The following ANKRD30B variants were observed in gnomAD, a reference collection of about 807,000 sequenced individuals.
ANKRD30B encodes ankyrin repeat domain 30B.
A neutral mutation model predicts 202.2 loss-of-function variants in ANKRD30B; 144 were observed. That is an observed-to-expected ratio of 0.71 (90% CI 0.62 to 0.82). ANKRD30B has a LOEUF of 0.82. Among genes scored for constraint, ANKRD30B ranks in the 40% least tolerant of loss-of-function variants. The probability of loss-of-function intolerance (pLI) is 0.00; values close to 1 mark genes in which losing one functional copy is unlikely to be tolerated. For missense variants in ANKRD30B, 1,487 were observed against 1,669.1 expected, an observed-to-expected ratio of 0.89 and a Z score of 1.90; for synonymous variants, 508 against 561.3, an observed-to-expected ratio of 0.91 and a Z score of 1.34.
chr18:14,753,385 G>A (rs576744003), intron 3 of ANKRD30B, among the ~76,000 whole-genome samples: 2 of 152,202 alleles, frequency 1.3e-5, no homozygotes, highest in South Asian at 4.1e-4. Flanking sequence ...TCCTCTTAAA[G>A]GATTGCATCT....
intron 34 of ANKRD30B, among the ~76,000 whole-genome samples, chr18:14,832,299 G>A (rs906563857): frequency 2.6e-5 from 4 of 152,160 alleles, no homozygotes; most frequent in Non-Finnish European, 4.4e-5. Flanking sequence ...TTCATTAAAA[G>A]TATACTTTAA....
chr18:14,782,431 A>C, intron 11 of ANKRD30B, 96 bp from the exon 12 acceptor site: 1 of 931,520 alleles, frequency 1.1e-6, no homozygotes, highest in Non-Finnish European at 1.6e-6. Context: ...TTGCCTTTGA[A>C]GTCAGAAATT....
intron 32 of ANKRD30B, 55 bp from the exon 33 acceptor site, chr18:14,828,223 T>C (rs1970745352): frequency 7.5e-7 from 1 of 1,329,698 alleles, no homozygotes; most frequent in African/African-American, 1.5e-5. Context: ...TTTAATATTC[T>C]GTATTTTTTA....
At chr18:14,766,518 G>GAAAAGAAAAGAA (rs1479071497) in intron 7 of ANKRD30B, among the ~76,000 whole-genome samples, 7 of 116,344 alleles carry the variant, frequency 6.0e-5, no homozygotes, top group Non-Finnish European at 1.1e-4. Flanking sequence ...GAAAAGAAAA[G>GAAAAGAAAAGAA]AAAATTGTCA....
At chr18:14,871,462 A>G in the ANKRD30B span, among the ~76,000 whole-genome samples, 1 of 151,132 alleles carries the variant, frequency 6.6e-6, no homozygotes, top group Non-Finnish European at 1.5e-5. Context: ...GGGGACAAAG[A>G]ATGCACCAGA....
At chr18:14,815,618 T>C (rs1395594381) in intron 30 of ANKRD30B, among the ~76,000 whole-genome samples, 1 of 152,198 alleles carries the variant, frequency 6.6e-6, no homozygotes, top group Non-Finnish European at 1.5e-5. Flanking sequence ...GTTATGTTGC[T>C]CTTACTTTTG....
chr18:14,796,658 G>A (rs1968918281), intron 18 of ANKRD30B, among the ~76,000 whole-genome samples: 1 of 152,106 alleles, frequency 6.6e-6, no homozygotes, highest in South Asian at 2.1e-4. Flanking sequence ...GCAATACAAT[G>A]GGGCCTTGTC....
the ANKRD30B span, among the ~76,000 whole-genome samples, chr18:14,936,829 A>G: frequency 6.6e-6 from 1 of 152,236 alleles, no homozygotes; most frequent in African/African-American, 2.4e-5. Context: ...ACAGACAGTA[A>G]GCAAGACGGG....
the ANKRD30B span, among the ~76,000 whole-genome samples, chr18:14,892,860 A>G: frequency 2.0e-5 from 3 of 151,696 alleles, no homozygotes; most frequent in African/African-American, 7.3e-5. Context: ...AGAGGTTGCA[A>G]TGAGCCAAGG....
intron 33 of ANKRD30B, among the ~76,000 whole-genome samples, chr18:14,828,941 T>A (rs974512913): frequency 1.3e-5 from 2 of 152,210 alleles, no homozygotes; most frequent in African/African-American, 4.8e-5. Context: ...ATGTTAATCA[T>A]ATTTAGAGGC....
intron 7 of ANKRD30B, among the ~76,000 whole-genome samples, chr18:14,764,978 A>C (rs550024656): frequency 6.6e-6 from 1 of 152,180 alleles, no homozygotes; most frequent in Non-Finnish European, 1.5e-5. Flanking sequence ...TATCTAAATA[A>C]ACTTGTGTTT....
At chr18:14,867,606 G>A in the ANKRD30B span, among the ~76,000 whole-genome samples, 1 of 152,218 alleles carries the variant, frequency 6.6e-6, no homozygotes, top group Non-Finnish European at 1.5e-5. Context: ...GCATGGAGTA[G>A]TGGGCACCAC....
In ANKRD30B at chr18:14,854,397, T is replaced by A. The variant is rs1402498940; in HGVS notation, c.*239T>A. Among the ~76,000 whole-genome samples, 1 of 152,202 alleles carries A rather than the reference T, an allele frequency of 6.6e-6. No individual in the cohort carries two copies. The highest frequency in any genetic ancestry group is 1.5e-5 in the Non-Finnish European group (1 of 68,032). ...TGCAGAGATGTCCTGGCAGTGCTTC[T>A]GGTGTGTGGGATGGGGGTAGAATCC... On this transcript the variant is annotated 3_prime_UTR_variant, in exon 44 of 44. Transcript: ENST00000690538.
chr18:14,759,686 G>T (rs12959658), intron 5 of ANKRD30B, among the ~76,000 whole-genome samples: 57,576 of 151,970 alleles, frequency 0.38, 11,903 homozygotes, highest in East Asian at 0.55. Flanking sequence ...TCTGCCCTTG[G>T]TGTGATTGAT....
rs564081450 is a variant in ANKRD30B at position 14,775,020 on chromosome 18, G to A, written c.1329+2792G>A. ...CGGGCGCCTGTAGTCCCAGCTACTCGGGAGGCTGAGGCAGGAGAATGGCAT... is the reference window on the plus strand; with the variant it reads ...CGGGCGCCTGTAGTCCCAGCTACTCAGGAGGCTGAGGCAGGAGAATGGCAT... On this transcript the variant is annotated intron_variant, in intron 9 of 43. Coordinates refer to ENST00000690538, the MANE Select transcript of ANKRD30B (RefSeq NM_001367607.2). Among the ~76,000 whole-genome samples, 6 of 152,244 alleles carry A rather than the reference G, an allele frequency of 3.9e-5. No homozygotes were observed. The South Asian group carries it at 6.2e-4, about 16-fold the overall frequency.
At chr18:14,755,326 A>C (rs1487059869) in intron 4 of ANKRD30B, among the ~76,000 whole-genome samples, 1 of 152,016 alleles carries the variant, frequency 6.6e-6, no homozygotes, top group African/African-American at 2.4e-5. Flanking sequence ...TTGCTTTATA[A>C]TTCAATATTG....
chr18:14,785,598 T>C (rs932728321), intron 14 of ANKRD30B, among the ~76,000 whole-genome samples: 1 of 152,234 alleles, frequency 6.6e-6, no homozygotes, highest in Admixed American at 6.5e-5. Context: ...GAATTTGAAC[T>C]GTGCCCCACA....
intron 32 of ANKRD30B, among the ~76,000 whole-genome samples, chr18:14,826,413 T>TA (rs1970659414): frequency 6.6e-6 from 1 of 152,176 alleles, no homozygotes; most frequent in African/African-American, 2.4e-5. Flanking sequence ...AGAATTATTT[T>TA]AGAGTTGTTA....
chr18:14,922,667 A>AAAG, the ANKRD30B span, among the ~76,000 whole-genome samples: 1 of 151,382 alleles, frequency 6.6e-6, no homozygotes, highest in African/African-American at 2.4e-5. Context: ...AAAAAAAAAA[A>AAAG]AAAAGAAAAG....
Sources: gnomAD v4.1 joint callset for allele counts (sites outside exome capture counted in the v4.1 genomes callset) on GRCh38, gnomAD v4.1.1 for gene constraint, MANE v1.5 for transcripts, NCBI Gene and HGNC (gene_info 2026-07-23, HGNC 2026-07-21) for gene names.